Variants in C18orf63 observed in about 807,000 individuals in gnomAD.
The protein encoded by C18orf63 is uncharacterized protein C18orf63.
C18orf63 carries 50 observed loss-of-function variants against 75.3 expected under a neutral mutation model. The ratio of observed to expected loss-of-function variants is 0.66; its 90% CI spans 0.53 to 0.84. The LOEUF is 0.84. C18orf63 is among the 40% of genes least tolerant of loss of function. The pLI is 0.00. For missense variants in C18orf63, 732 were observed against 800.2 expected (o/e 0.91, Z 1.03); for synonymous variants, 232 against 267.6 (o/e 0.87, Z 1.30).
intron 3 of C18orf63, among the ~76,000 whole-genome samples, chr18:74,322,047 C>T (rs1984133314): frequency 6.6e-6 from 1 of 152,194 alleles, no homozygotes; most frequent in Non-Finnish European, 1.5e-5. Context: ...TGTGCTCTTA[C>T]AGTGTTTCAG....
At chr18:74,331,967 A>C (rs1469615598) in intron 7 of C18orf63, among the ~76,000 whole-genome samples, 1 of 152,158 alleles carries the variant, frequency 6.6e-6, no homozygotes, top group Admixed American at 6.5e-5. Context: ...GATGACCTGC[A>C]TATAAATAAC....
intron 7 of C18orf63, among the ~76,000 whole-genome samples, chr18:74,334,512 A>G (rs1243511870): frequency 6.6e-6 from 1 of 152,144 alleles, no homozygotes; most frequent in Non-Finnish European, 1.5e-5. Flanking sequence ...TCTGGGAATG[A>G]AAGGAAGGCA....
chr18:74,331,029 AT>A, intron 7 of C18orf63, 87 bp downstream of exon 7: 1 of 485,164 alleles, frequency 2.1e-6, no homozygotes, highest in Non-Finnish European at 3.3e-6. Context: ...TTAGGTTTTA[AT>A]TTTTAACATA....
rs1259990720 is a variant in C18orf63 at position 74,322,703 on chromosome 18, A to G, written c.219A>G (p.Pro73=). The G allele has an allele frequency of 1.5e-6, 2 of 1,308,726 alleles. No individual in the cohort carries two copies. The highest frequency in any genetic ancestry group is 4.4e-5 in the Admixed American group (2 of 45,010). 81.1% of individuals were successfully genotyped at this position (1,308,726 alleles called of 1,614,324 possible). The change falls in exon 4 of 14, where the codon CCA becomes CCG. Residue 73 remains proline, a synonymous_variant. Transcript: ENST00000579455. ...LNQIWVVMAI[P]FYKARKLNAY... ...AATGTGGATTTTTGTTACAGATACC[A>G]TTTTATAAAGCAAGAAAACTTAATG...
At position 74,358,931 on chromosome 18, in the gene C18orf63, A is replaced by G. The variant is rs1984817318; in HGVS notation, c.*2484A>G. The G allele has an allele frequency of 6.6e-6, 1 of 152,116 alleles. No homozygotes were observed. The allele number at this position is 152,116 out of a possible 1,614,324, so 9.4% of individuals were successfully genotyped here. On this transcript the variant is annotated 3_prime_UTR_variant, in exon 14 of 14. Transcript: ENST00000579455. ...CTTATTGTAGTAAAAAGGTAAAAAA[A>G]AAATGAACTTGTTAATGATTAGCTT... is the stretch of plus-strand genomic sequence containing the variant.
At chr18:74,316,273 G>C (rs1984022229) in intron 1 of C18orf63, among the ~76,000 whole-genome samples, 164 bp downstream of exon 1, 1 of 152,028 alleles carries the variant, frequency 6.6e-6, no homozygotes, top group Non-Finnish European at 1.5e-5. Context: ...CAATTTTTCG[G>C]GCATTTCATT....
chr18:74,344,410 C>T (rs1984538189), intron 11 of C18orf63, among the ~76,000 whole-genome samples: 1 of 148,354 alleles, frequency 6.7e-6, no homozygotes, highest in Non-Finnish European at 1.5e-5. Context: ...TGACATATGA[C>T]ACACATATAG....
Position 74,343,598 on chromosome 18 carries a change from C to T in C18orf63, c.874C>T (p.Leu292Phe), listed in dbSNP as rs544550547. The T allele has an allele frequency of 6.5e-7, 1 of 1,534,976 alleles. No homozygotes were observed. The highest frequency in any genetic ancestry group is 2.0e-5 in the Admixed American group (1 of 50,922). Residue 292 changes from leucine to phenylalanine, a missense_variant, in exon 11 of 14, where the codon CTT (leucine) becomes TTT (phenylalanine). Leu to Phe is a conservative substitution (Grantham distance 22). This residue lies in a region of C18orf63 where 495 missense variants were observed against 508.7 expected (regional missense o/e 0.97). Coordinates refer to ENST00000579455, the MANE Select transcript of C18orf63 (RefSeq NM_001174123.2). Reference sequence around the variant, plus strand: ...TTCGGAAGTTGTGTTGAAAAGTTTTCTTTCAGATTTAAAATCTAAACTGCC... The same window carrying T: ...TTCGGAAGTTGTGTTGAAAAGTTTTTTTTCAGATTTAAAATCTAAACTGCC... ...VDSEVVLKSF[L>F]SDLKSKLPHI...
intron 3 of C18orf63, among the ~76,000 whole-genome samples, chr18:74,322,379 A>G (rs529087414): frequency 6.6e-6 from 1 of 152,132 alleles, no homozygotes; most frequent in South Asian, 2.1e-4. Flanking sequence ...GTTTATGTCC[A>G]TTTTCCTTAT....
chr18:74,317,656 G>T (rs1434281549), intron 1 of C18orf63, among the ~76,000 whole-genome samples, 178 bp from the exon 2 acceptor site: 1 of 152,090 alleles, frequency 6.6e-6, no homozygotes, highest in Non-Finnish European at 1.5e-5. Flanking sequence ...AAAAATCCTA[G>T]AAAATCATTA....
chr18:74,328,777 T>C (rs576352196), intron 5 of C18orf63, among the ~76,000 whole-genome samples: 1 of 152,192 alleles, frequency 6.6e-6, no homozygotes, highest in Admixed American at 6.5e-5. Context: ...GAAATAGACA[T>C]TTGGGGGAAG....
intron 4 of C18orf63, among the ~76,000 whole-genome samples, 155 bp from the exon 5 acceptor site, chr18:74,327,792 C>T (rs1984233801): frequency 6.6e-6 from 1 of 152,138 alleles, no homozygotes; most frequent in East Asian, 1.9e-4. Flanking sequence ...AACTTTAGAA[C>T]CAGATGGGAT....
At chr18:74,338,047 G>A (rs112281301) in intron 7 of C18orf63, among the ~76,000 whole-genome samples, 41 of 152,244 alleles carry the variant, frequency 2.7e-4, no homozygotes, top group African/African-American at 9.6e-4. Flanking sequence ...TTAATATAGT[G>A]TCCTTTCACC....
rs545386882 is a variant in C18orf63 at position 74,326,753 on chromosome 18, C to T, written c.271-1194C>T. On this transcript the variant is annotated intron_variant, in intron 4 of 13. Transcript: ENST00000579455. ...TGAACTGTTATTTCGTATAACTTGC[C>T]TGGTGTTTTAGGCATTTCAAGTGGG... Among the ~76,000 whole-genome samples the T allele has an allele frequency of 2.6e-5, 4 of 152,214 alleles. No individual in the cohort carries two copies. In the South Asian group the frequency reaches 8.3e-4, roughly 32 times the overall value.
chr18:74,331,002 T>G (rs964461134), intron 7 of C18orf63, 60 bp downstream of exon 7: 19 of 645,772 alleles, frequency 2.9e-5, no homozygotes, highest in Non-Finnish European at 4.2e-5. Context: ...TTATATTTAT[T>G]ATTGTTACTA....
At position 74,342,260 on chromosome 18, in the gene C18orf63, G is replaced by A. The variant is rs2145126760; in HGVS notation, c.728G>A (p.Gly243Asp). The A allele has an allele frequency of 1.3e-6, 2 of 1,531,412 alleles. No homozygotes were observed. The highest frequency in any genetic ancestry group is 1.7e-6 in the Non-Finnish European group (2 of 1,142,918). The allele number at this position is 1,531,412 out of a possible 1,614,324, so 94.9% of individuals were successfully genotyped here. The change falls in exon 10 of 14, where the codon GGT becomes GAT. Residue 243 changes from glycine (G) to aspartate (D), a missense_variant. By Grantham distance (94) the Gly-to-Asp change is moderately conservative. Around this residue, in one of 3 missense-constraint regions of C18orf63, gnomAD observed 495 missense variants for 508.7 expected, o/e 0.97. Coordinates refer to ENST00000579455, the MANE Select transcript of C18orf63 (RefSeq NM_001174123.2). ...WDALYGYKLP[G>D]DCGKIKIYCN... is the part of the protein sequence containing the mutation. ...TTTTAGTATGGCTATAAACTTCCAGGTGATTGTGGAAAAATTAAAATATAC... is the reference window on the plus strand; with the variant it reads ...TTTTAGTATGGCTATAAACTTCCAGATGATTGTGGAAAAATTAAAATATAC...
Position 74,316,016 on chromosome 18 carries a change from G to A in C18orf63, c.-126G>A. The A allele has an allele frequency of 6.6e-6, 1 of 152,536 alleles. No individual in the cohort carries two copies. The highest frequency in any genetic ancestry group is 1.5e-5 in the Non-Finnish European group (1 of 68,252). 9.4% of individuals were successfully genotyped at this position (152,536 alleles called of 1,614,324 possible). A position where few individuals can be genotyped will look rare whatever the true frequency, so the allele number is the denominator to read the frequency against. On this transcript the variant is annotated 5_prime_UTR_variant, in exon 1 of 14. Coordinates refer to ENST00000579455, the MANE Select transcript of C18orf63 (RefSeq NM_001174123.2). ...AGCGAGGGAGACTGCTGGAGGCCCT[G>A]CCGCCCACCCGCCCTTTCCTCCCCC...
chr18:74,338,812 A>C lies in C18orf63; in HGVS notation c.599A>C (p.Tyr200Ser). The C allele has an allele frequency of 7.2e-7, 1 of 1,392,152 alleles. No individual in the cohort carries two copies. The highest frequency in any genetic ancestry group is 9.5e-7 in the Non-Finnish European group (1 of 1,056,692). The allele number at this position is 1,392,152 out of a possible 1,614,324, so 86.2% of individuals were successfully genotyped here. A position where few individuals can be genotyped will look rare whatever the true frequency, so the allele number is the denominator to read the frequency against. The change falls in exon 8 of 14, where the codon TAC (tyrosine) becomes TCC (serine). Residue 200 changes from tyrosine to serine, a missense_variant. By Grantham distance (144) the Tyr-to-Ser change is moderately radical. This residue lies in a region of C18orf63 where 233 missense variants were observed against 272.7 expected (regional missense o/e 0.85). Coordinates refer to ENST00000579455, the MANE Select transcript of C18orf63 (RefSeq NM_001174123.2). ...ERHSILSNWC[Y>S]VLPSMKMGQI... ...CATTCCATTTTAAGCAACTGGTGCT[A>C]CGTTTTGCCAAGGTGAGATTTCAAT...
intron 10 of C18orf63, 74 bp downstream of exon 10, chr18:74,342,400 T>C: frequency 1.2e-6 from 1 of 836,354 alleles, no homozygotes. Context: ...CACTCTCATG[T>C]CATACTTTTC....
Sources: gnomAD v4.1 joint callset for allele counts (sites outside exome capture counted in the v4.1 genomes callset) on GRCh38, gnomAD v4.1.1 for gene constraint, gnomAD v4.1.1 regional missense constraint, MANE v1.5 for transcripts, NCBI Gene and HGNC (gene_info 2026-07-23, HGNC 2026-07-21) for gene names.